Variants in PIK3CB observed in about 807,000 individuals in gnomAD.
PIK3CB encodes the protein phosphatidylinositol-4,5-bisphosphate 3-kinase catalytic subunit beta, also known as phosphatidylinositol 4,5-bisphosphate 3-kinase catalytic subunit beta isoform.
In PIK3CB, 39 loss-of-function variants were observed where a neutral mutation model predicts 136.8. The observed-to-expected ratio is 0.29, with a 90% CI of 0.22 to 0.37. The LOEUF (loss-of-function observed/expected upper bound fraction) is 0.37. PIK3CB is among the 10% of genes least tolerant of loss of function. PIK3CB has a pLI of 1.00. For missense variants in PIK3CB, 868 were observed against 1,275.4 expected, an observed-to-expected ratio of 0.68 and a Z score of 4.87; for synonymous variants, 428 against 436.6, an observed-to-expected ratio of 0.98 and a Z score of 0.25.
chr3:138,697,769 C>T (rs1486303311), intron 13 of PIK3CB, among the ~76,000 whole-genome samples: 1 of 151,992 alleles, frequency 6.6e-6, no homozygotes. Flanking sequence ...CAAGGTCTCA[C>T]TCTATTGCCC....
intron 2 of PIK3CB, among the ~76,000 whole-genome samples, chr3:138,763,521 G>A (rs1194426426): frequency 2.0e-5 from 3 of 152,080 alleles, no homozygotes; most frequent in Non-Finnish European, 4.4e-5. Flanking sequence ...ACCTGTACAC[G>A]TCCCTAGTTT....
At position 138,654,417 on chromosome 3, in the gene PIK3CB, C is replaced by A; in HGVS notation, c.*972G>T. ...ACATTATTACAAGTTTTAATAAATA[C>A]AGTAAGAAGAGCTGGCATTTTTCTA... On this transcript the variant is annotated 3_prime_UTR_variant, in exon 24 of 24. Transcript: ENST00000674063. 1 of 224,160 alleles carries A rather than the reference C, an allele frequency of 4.5e-6. No individual in the cohort carries two copies. Among genetic ancestry groups the A allele is most frequent in the Non-Finnish European group, 8.9e-6 (1 of 112,524 alleles). The allele number at this position is 224,160 out of a possible 1,614,324, so 13.9% of individuals were successfully genotyped here.
chr3:138,704,745 C>A (rs2044327809), intron 11 of PIK3CB, among the ~76,000 whole-genome samples: 1 of 151,924 alleles, frequency 6.6e-6, no homozygotes, highest in Non-Finnish European at 1.5e-5. Flanking sequence ...AAAACAAGTA[C>A]CAGCTAGCAT....
Position 138,672,541 on chromosome 3 carries a change from T to C in PIK3CB, c.2505-7338A>G, listed in dbSNP as rs115982806. On this transcript the variant is annotated intron_variant, in intron 19 of 23. Coordinates refer to ENST00000674063, the MANE Select transcript of PIK3CB (RefSeq NM_006219.3). ...ATTCAAAACTGAGTATTATTAACTATATAAGGAAATGAATAAAGTCACGCA... is the reference window on the plus strand; with the variant it reads ...ATTCAAAACTGAGTATTATTAACTACATAAGGAAATGAATAAAGTCACGCA... Among the ~76,000 whole-genome samples the C allele has an allele frequency of 6.1e-3, 926 of 152,226 alleles. 11 individuals are homozygous for C. Among genetic ancestry groups the C allele is most frequent in the African/African-American group, 0.021 (874 of 41,534 alleles).
chr3:138,679,095 A>G (rs986315428), intron 19 of PIK3CB, among the ~76,000 whole-genome samples: 1 of 152,102 alleles, frequency 6.6e-6, no homozygotes, highest in African/African-American at 2.4e-5. Flanking sequence ...AAAAAAAGAA[A>G]AAACAAATAT....
chr3:138,802,353 C>A (rs1254521222), intron 1 of PIK3CB, among the ~76,000 whole-genome samples: 4 of 150,182 alleles, frequency 2.7e-5, no homozygotes, highest in African/African-American at 9.8e-5. Context: ...GCACTCCAGC[C>A]TGTGTGACAG....
In PIK3CB at chr3:138,687,699, C is replaced by T. The variant is rs549224957; in HGVS notation, c.2136+1176G>A. Among the ~76,000 whole-genome samples the T allele has an allele frequency of 2.0e-5, 3 of 152,288 alleles. No homozygotes were observed. In the East Asian group the frequency reaches 5.8e-4, roughly 29 times the overall value. ...CAAACTTCTGGGCTTAAGTGATCCT[C>T]CCACCTTAGCCTTTCAAAGTGCTGG... On this transcript the variant is annotated intron_variant, in intron 16 of 23. Transcript: ENST00000674063.
At chr3:138,764,302 T>C (rs1277801322) in intron 2 of PIK3CB, among the ~76,000 whole-genome samples, 1 of 144,250 alleles carries the variant, frequency 6.9e-6, no homozygotes, top group Non-Finnish European at 1.5e-5. Context: ...AAAAAAAAAA[T>C]TAGCCAAGAG....
chr3:138,688,786 G>A, intron 16 of PIK3CB, 89 bp downstream of exon 16: 1 of 743,924 alleles, frequency 1.3e-6, no homozygotes, highest in Non-Finnish European at 2.3e-6. Flanking sequence ...GTACCAAATT[G>A]AACATGAAGA....
chr3:138,779,027 C>CA (rs35287725), intron 2 of PIK3CB, among the ~76,000 whole-genome samples: 113,095 of 144,264 alleles, frequency 0.78, 44,395 homozygotes, highest in East Asian at 0.98. Context: ...CCTCTACTGC[C>CA]AAAAAAAAAA....
At chr3:138,811,486 C>T (rs1024524204) in intron 1 of PIK3CB, among the ~76,000 whole-genome samples, 3 of 147,944 alleles carry the variant, frequency 2.0e-5, no homozygotes, top group East Asian at 2.0e-4. Context: ...AGTGCAATGG[C>T]GCAATCTCGG....
chr3:138,750,137 C>T (rs2045440208), intron 4 of PIK3CB, among the ~76,000 whole-genome samples: 1 of 152,092 alleles, frequency 6.6e-6, no homozygotes, highest in African/African-American at 2.4e-5. Context: ...CCTTATCCTC[C>T]CAAAGTACTG....
At chr3:138,709,081 C>CAA (rs60224543) in intron 10 of PIK3CB, among the ~76,000 whole-genome samples, 18 of 141,908 alleles carry the variant, frequency 1.3e-4, no homozygotes, top group African/African-American at 4.6e-4. Context: ...CCATATGTGG[C>CAA]AAAAAAAAAA....
At chr3:138,775,352 T>C (rs2045845679) in intron 2 of PIK3CB, among the ~76,000 whole-genome samples, 1 of 152,192 alleles carries the variant, frequency 6.6e-6, no homozygotes, top group South Asian at 2.1e-4. Flanking sequence ...ATCACACACT[T>C]GATTGGGAGA....
At chr3:138,656,798 C>T (rs949965147) in intron 22 of PIK3CB, among the ~76,000 whole-genome samples, 5 of 151,830 alleles carry the variant, frequency 3.3e-5, no homozygotes, top group African/African-American at 1.2e-4. Context: ...TGAGATGGAA[C>T]CTTGCTCTGT....
chr3:138,816,123 G>A (rs950048073), intron 1 of PIK3CB, among the ~76,000 whole-genome samples: 36 of 152,088 alleles, frequency 2.4e-4, no homozygotes, highest in African/African-American at 8.0e-4. Context: ...GCAATGTGGC[G>A]AAACCTCTAT....
chr3:138,694,378 A>G (rs1474948772), intron 14 of PIK3CB, among the ~76,000 whole-genome samples: 1 of 152,106 alleles, frequency 6.6e-6, no homozygotes, highest in East Asian at 1.9e-4. Flanking sequence ...GATAGAAATA[A>G]AAGTGTTTGG....
intron 19 of PIK3CB, among the ~76,000 whole-genome samples, chr3:138,677,770 C>T (rs974812784): frequency 2.0e-5 from 3 of 152,236 alleles, no homozygotes; most frequent in South Asian, 4.1e-4. Context: ...TGGCACATTC[C>T]TATAATCCCA....
At chr3:138,770,197 A>G (rs2045782506) in intron 2 of PIK3CB, 1 of 152,164 alleles carries the variant, frequency 6.6e-6, no homozygotes, top group Non-Finnish European at 1.5e-5. Flanking sequence ...AGCAGTGACA[A>G]TTAGTTCAAT....
Sources: allele counts gnomAD v4.1 joint callset (sites outside exome capture counted in the v4.1 genomes callset), GRCh38; gene constraint gnomAD v4.1.1; transcripts MANE v1.5; gene names NCBI Gene and HGNC (gene_info 2026-07-23, HGNC 2026-07-21).